Variants in DAPK1 observed in about 807,000 individuals in gnomAD.
DAPK1 encodes the protein death-associated protein kinase 1.
Under a neutral mutation model 144.9 loss-of-function variants are expected in DAPK1, and 56 were observed. The observed-to-expected ratio is 0.39, with a 90% CI of 0.31 to 0.48. The LOEUF is 0.48. Among genes scored for constraint, DAPK1 ranks in the 20% least tolerant of loss-of-function variants. DAPK1 has a pLI of 0.95. For synonymous variants in DAPK1, 690 were observed against 749.0 expected, an observed-to-expected ratio of 0.92 and a Z score of 1.29; for missense variants, 1,454 against 1,875.4, an observed-to-expected ratio of 0.78 and a Z score of 4.15.
intron 2 of DAPK1, among the ~76,000 whole-genome samples, chr9:87,512,470 G>A (rs890635108): frequency 1.1e-4 from 16 of 152,122 alleles, no homozygotes; most frequent in African/African-American, 2.9e-4. Context: ...AGAACTGTCC[G>A]TGCCAAGAAA....
chr9:87,530,333 G>A (rs1293984385), intron 2 of DAPK1, among the ~76,000 whole-genome samples: 1 of 152,156 alleles, frequency 6.6e-6, no homozygotes, highest in Non-Finnish European at 1.5e-5. Flanking sequence ...AACCAACACA[G>A]GCTGTATTAC....
At chr9:87,651,838 A>G (rs1230739587) in intron 17 of DAPK1, 114 bp downstream of exon 17, 2 of 803,594 alleles carry the variant, frequency 2.5e-6, no homozygotes, top group Non-Finnish European at 4.1e-6. Flanking sequence ...GTGTCCTCCC[A>G]CCTGATCCCG....
At chr9:87,646,391 C>A in intron 12 of DAPK1, 70 bp from the exon 13 acceptor site, 1 of 1,106,998 alleles carries the variant, frequency 9.0e-7, no homozygotes, top group South Asian at 1.3e-5. Context: ...GTGGTAACAG[C>A]AATCATCGTT....
intron 2 of DAPK1, chr9:87,525,254 G>A (rs1041307341): frequency 1.7e-5 from 24 of 1,408,092 alleles, no homozygotes; most frequent in Middle Eastern, 4.8e-4. Context: ...TAAAAAATGC[G>A]TTGAATAGAG....
intron 2 of DAPK1, among the ~76,000 whole-genome samples, chr9:87,558,019 T>C (rs142411628): frequency 1.0e-3 from 155 of 152,334 alleles, no homozygotes; most frequent in African/African-American, 3.6e-3. Context: ...TTGGAATCTT[T>C]TGGATGTTTT....
chr9:87,563,523 C>G (rs1464114361), intron 2 of DAPK1, among the ~76,000 whole-genome samples: 3 of 152,210 alleles, frequency 2.0e-5, no homozygotes, highest in Non-Finnish European at 4.4e-5. Context: ...GTGGCTTGCT[C>G]TGCCCAGCAG....
chr9:87,632,593 TG>T lies in DAPK1; in HGVS notation c.285-5349del, dbSNP rs1299289709. 69 of 976,064 alleles carry T rather than the reference TG, an allele frequency of 7.1e-5. No individual in the cohort carries two copies. In the African/African-American group the frequency reaches 1.1e-3, roughly 16 times the overall value. 60.5% of individuals were successfully genotyped at this position (976,064 alleles called of 1,614,324 possible). ...GTATACATGTAGGGATGAAGGAGGA[TG>T]AGTATGTATATAGGAATGAAGGGTG... is the stretch of plus-strand genomic sequence containing the variant. On this transcript the variant is annotated intron_variant, in intron 3 of 25. Coordinates refer to ENST00000408954, the MANE Select transcript of DAPK1 (RefSeq NM_004938.4).
chr9:87,643,490 G>A, intron 11 of DAPK1, 22 bp downstream of exon 11: 1 of 1,437,254 alleles, frequency 7.0e-7, no homozygotes, highest in Non-Finnish European at 9.6e-7. Context: ...CGTGAGCCCT[G>A]GTGCTCCTTT....
chr9:87,688,274 T>C (rs113899063), intron 21 of DAPK1, among the ~76,000 whole-genome samples: 1,776 of 152,362 alleles, frequency 0.012, 14 homozygotes, highest in South Asian at 0.024. Flanking sequence ...CATGATTTTC[T>C]TCTTTTTTAT....
chr9:87,518,664 T>C (rs1426175771), intron 2 of DAPK1, among the ~76,000 whole-genome samples: 1 of 152,218 alleles, frequency 6.6e-6, no homozygotes, highest in African/African-American at 2.4e-5. Context: ...CCAGATGGCT[T>C]AACTTTTCTC....
intron 3 of DAPK1, among the ~76,000 whole-genome samples, chr9:87,608,302 G>T (rs1828805878): frequency 6.6e-6 from 1 of 152,176 alleles, no homozygotes; most frequent in African/African-American, 2.4e-5. Context: ...ATAATGCATT[G>T]GAGATTTGTG....
intron 21 of DAPK1, among the ~76,000 whole-genome samples, chr9:87,696,529 G>A (rs745490938): frequency 5.9e-5 from 9 of 152,200 alleles, no homozygotes; most frequent in Non-Finnish European, 8.8e-5. Flanking sequence ...TTCAAGGGGC[G>A]TGGCACCAGC....
intron 19 of DAPK1, among the ~76,000 whole-genome samples, chr9:87,673,902 AG>A (rs1824265615): frequency 6.6e-6 from 1 of 152,152 alleles, no homozygotes; most frequent in Non-Finnish European, 1.5e-5. Context: ...CTTATCACAG[AG>A]GGAAGTTGTA....
intron 18 of DAPK1, among the ~76,000 whole-genome samples, chr9:87,662,560 G>GTTTTTTTTTTTTGTTTTTT (rs1830889392): frequency 3.1e-5 from 1 of 32,154 alleles, no homozygotes; most frequent in African/African-American, 1.5e-4. Flanking sequence ...TATATTCCTA[G>GTTTTTTTTTTTTGTTTTTT]TTTTTTTTTT....
chr9:87,651,946 CGGGTCCTG>C (rs1487999069), intron 17 of DAPK1, among the ~76,000 whole-genome samples: 20 of 117,652 alleles, frequency 1.7e-4, no homozygotes, highest in African/African-American at 4.8e-4. Flanking sequence ...CACCTGATCC[CGGGTCCTG>C]ATTCTGTGTC....
At chr9:87,692,301 A>G (rs1465468484) in intron 21 of DAPK1, among the ~76,000 whole-genome samples, 1 of 150,914 alleles carries the variant, frequency 6.6e-6, no homozygotes, top group African/African-American at 2.4e-5. Context: ...ACTTTCGCTC[A>G]CTTTTGGTTT....
At chr9:87,621,430 CA>C (rs1427417962) in intron 3 of DAPK1, among the ~76,000 whole-genome samples, 1 of 152,212 alleles carries the variant, frequency 6.6e-6, no homozygotes, top group African/African-American at 2.4e-5. Flanking sequence ...CCACCTAGTC[CA>C]GATTTCCTCC....
At position 87,681,729 on chromosome 9, in the gene DAPK1, G is replaced by A. The variant is rs1824637639; in HGVS notation, c.2224+103G>A. The A allele has an allele frequency of 1.2e-5, 9 of 723,982 alleles. No homozygotes were observed. The East Asian group carries it at 2.1e-4, about 17-fold the overall frequency. 44.8% of individuals were successfully genotyped at this position (723,982 alleles called of 1,614,324 possible). On this transcript the variant is annotated intron_variant, in intron 20 of 25. Coordinates refer to ENST00000408954, the MANE Select transcript of DAPK1 (RefSeq NM_004938.4). The stretch of plus-strand genomic sequence containing the variant: ...AAGGGAGTTGTGTTTGGGTCACTTG[G>A]CCTATACTGGACCCTGTGGCCTTAG...
rs147971193 is a variant in DAPK1, at chr9:87,643,681, C to G, written c.1011+213C>G. 2.7e-3 allele frequency among the ~76,000 whole-genome samples: 415 copies of G among 152,022 alleles called. 6 individuals carry two copies. Among genetic ancestry groups the G allele is most frequent in the African/African-American group, 9.4e-3 (391 of 41,444 alleles). On this transcript the variant is annotated intron_variant, in intron 11 of 25. Coordinates refer to ENST00000408954, the MANE Select transcript of DAPK1 (RefSeq NM_004938.4). Reference sequence around the variant, plus strand: ...CTTTGATTTGGATGGTGCTGTCCCCCCTCATAGCCCCATACCTCTAACACT... The same window carrying G: ...CTTTGATTTGGATGGTGCTGTCCCCGCTCATAGCCCCATACCTCTAACACT...
Sources: allele counts gnomAD v4.1 joint callset (sites outside exome capture counted in the v4.1 genomes callset), GRCh38; gene constraint gnomAD v4.1.1; transcripts MANE v1.5; gene names NCBI Gene and HGNC (gene_info 2026-07-23, HGNC 2026-07-21).